Variants in CACNG2 observed in about 807,000 individuals in gnomAD.
The protein encoded by CACNG2 is voltage-dependent calcium channel gamma-2 subunit.
Under a neutral mutation model 25.9 loss-of-function variants are expected in CACNG2, and 3 were observed. The ratio of observed to expected loss-of-function variants is 0.12; its 90% CI spans 0.05 to 0.30. CACNG2 has a LOEUF of 0.30. Among genes scored for constraint, CACNG2 ranks in the 10% least tolerant of loss-of-function variants. CACNG2 has a pLI of 1.00. For missense variants in CACNG2, 341 were observed against 432.5 expected (o/e 0.79, Z 1.88); for synonymous variants, 167 against 173.3 (o/e 0.96, Z 0.29).
intron 1 of CACNG2, among the ~76,000 whole-genome samples, chr22:36,666,953 C>T (rs866837093): frequency 6.6e-5 from 10 of 151,960 alleles, no homozygotes; most frequent in African/African-American, 2.2e-4. Flanking sequence ...ACTGCTTCCC[C>T]GCCACCCCAC....
Position 36,606,780 on chromosome 22 carries a change from A to G in CACNG2, c.212-19232T>C, listed in dbSNP as rs112146768. 1.4e-4 allele frequency among the ~76,000 whole-genome samples: 19 copies of G among 131,094 alleles called. No homozygotes were observed. Among genetic ancestry groups the G allele is most frequent in the Non-Finnish European group, 1.9e-4 (11 of 58,758 alleles). The allele number at this position is 131,094 out of a possible 152,430, so 86.0% of individuals were successfully genotyped here. ...TGCGTGTGTGTGTGTGTGTGTGTGT[A>G]TGTGTTTGTATGTATGTGTGTGTGT... On this transcript the variant is annotated intron_variant, in intron 1 of 3. Coordinates refer to ENST00000300105, the MANE Select transcript of CACNG2 (RefSeq NM_006078.5). This position sits in a 1 kb window ranked among gnomAD's most constrained non-coding sequence, Gnocchi z 5.7.
intron 1 of CACNG2, among the ~76,000 whole-genome samples, chr22:36,666,058 C>T (rs1171633926): frequency 1.3e-5 from 2 of 152,158 alleles, no homozygotes; most frequent in East Asian, 1.9e-4. Flanking sequence ...CTGTTACGTG[C>T]TACACCATGG....
chr22:36,571,918 C>A (rs1935236449), intron 2 of CACNG2, among the ~76,000 whole-genome samples: 1 of 151,794 alleles, frequency 6.6e-6, no homozygotes, highest in Non-Finnish European at 1.5e-5. Flanking sequence ...TTGGGTCCTA[C>A]CTTTTACTGT....
At chr22:36,665,665 C>T (rs1178619501) in intron 1 of CACNG2, among the ~76,000 whole-genome samples, 2 of 152,146 alleles carry the variant, frequency 1.3e-5, no homozygotes, top group Non-Finnish European at 2.9e-5. Context: ...AAAACCACAG[C>T]GAGATACCAC....
rs142970034 is a variant in CACNG2 at position 36,687,621 on chromosome 22, G to A, written c.211+14745C>T. On this transcript the variant is annotated intron_variant, in intron 1 of 3. Coordinates refer to ENST00000300105, the MANE Select transcript of CACNG2 (RefSeq NM_006078.5). ...GTCCACATCCCAATTCCTGTAACCC[G>A]TGAGTGCGCCACATTGCATGGGAAA... Among the ~76,000 whole-genome samples the A allele has an allele frequency of 1.1e-4, 16 of 152,338 alleles. No individual in the cohort carries two copies. In the East Asian group the frequency reaches 1.5e-3, roughly 15 times the overall value.
intron 1 of CACNG2, among the ~76,000 whole-genome samples, chr22:36,653,594 T>C (rs752079355): frequency 7.4e-6 from 1 of 134,516 alleles, no homozygotes; most frequent in Non-Finnish European, 1.5e-5. Flanking sequence ...CCTCGGCTTA[T>C]AGAAACAACA....
chr22:36,594,028 C>A (rs1219417746), intron 1 of CACNG2, among the ~76,000 whole-genome samples: 1 of 152,122 alleles, frequency 6.6e-6, no homozygotes, highest in Non-Finnish European at 1.5e-5. Context: ...CTAAGGCCAG[C>A]CTAGGGTTCC....
intron 2 of CACNG2, among the ~76,000 whole-genome samples, chr22:36,586,331 T>C (rs41307219): frequency 0.026 from 3,894 of 152,336 alleles, 64 homozygotes; most frequent in Middle Eastern, 0.071. Context: ...AAATGGCCTT[T>C]TAGGAATTCC....
chr22:36,630,947 C>T (rs769939947), intron 1 of CACNG2, among the ~76,000 whole-genome samples: 1 of 152,154 alleles, frequency 6.6e-6, no homozygotes, highest in South Asian at 2.1e-4. Context: ...TCTTCTGCCT[C>T]GGCCTCCCAA....
intron 1 of CACNG2, 102 bp from the exon 2 acceptor site, chr22:36,587,650 C>CG: frequency 1.2e-6 from 1 of 826,594 alleles, no homozygotes; most frequent in South Asian, 1.3e-5. Context: ...GAAACTCACT[C>CG]AGCCCTCTCC....
chr22:36,621,741 C>A (rs554684574), intron 1 of CACNG2, among the ~76,000 whole-genome samples: 1 of 152,240 alleles, frequency 6.6e-6, no homozygotes, highest in Admixed American at 6.5e-5. Flanking sequence ...TCCTCCCCTG[C>A]CAGTGCAGGC....
Position 36,688,588 on chromosome 22 carries a change from G to A in CACNG2, c.211+13778C>T, listed in dbSNP as rs75197967. Among the ~76,000 whole-genome samples the A allele has an allele frequency of 3.2e-3, 485 of 151,372 alleles. 2 individuals carry two copies. The highest frequency in any genetic ancestry group is 0.011 in the African/African-American group (459 of 41,154). On this transcript the variant is annotated intron_variant, in intron 1 of 3. Transcript: ENST00000300105. ...AGCTGAAATGAAATGGACTGATAGA[G>A]GTGCTGGGACTGAACTAGTGGCTTT...
chr22:36,570,406 C>T (rs554497041), intron 2 of CACNG2, among the ~76,000 whole-genome samples: 14 of 152,278 alleles, frequency 9.2e-5, no homozygotes, highest in South Asian at 6.2e-4. Context: ...GAAGCCTCTT[C>T]GGCACAGAAG....
intron 1 of CACNG2, among the ~76,000 whole-genome samples, chr22:36,655,751 TTTC>T (rs1936694385): frequency 6.7e-6 from 1 of 148,220 alleles, no homozygotes; most frequent in East Asian, 1.9e-4. Context: ...CCTTTCTTCC[TTTC>T]TTTCTTTCTT....
chr22:36,638,868 G>A (rs1276357408), intron 1 of CACNG2, among the ~76,000 whole-genome samples: 1 of 152,154 alleles, frequency 6.6e-6, no homozygotes, highest in African/African-American at 2.4e-5. Context: ...CATTGTCTCT[G>A]CAAATGTAAG....
At chr22:36,641,068 G>A (rs776063345) in intron 1 of CACNG2, among the ~76,000 whole-genome samples, 1 of 152,030 alleles carries the variant, frequency 6.6e-6, no homozygotes, top group Non-Finnish European at 1.5e-5. Flanking sequence ...TTTTCTTCAG[G>A]GCTCTGTTCA....
At chr22:36,608,212 G>A (rs1935873438) in intron 1 of CACNG2, among the ~76,000 whole-genome samples, 1 of 152,112 alleles carries the variant, frequency 6.6e-6, no homozygotes, top group African/African-American at 2.4e-5. Flanking sequence ...GGGATTCTGA[G>A]GTTCCTTCTA....
chr22:36,574,546 T>C (rs1935283134), intron 2 of CACNG2, among the ~76,000 whole-genome samples: 1 of 152,118 alleles, frequency 6.6e-6, no homozygotes, highest in African/African-American at 2.4e-5. Context: ...TTTGGAAGGC[T>C]GAGGCCGGTG....
chr22:36,622,767 T>G (rs906055320), intron 1 of CACNG2, among the ~76,000 whole-genome samples: 5 of 152,070 alleles, frequency 3.3e-5, no homozygotes, highest in Non-Finnish European at 5.9e-5. Flanking sequence ...GAGACCAGCC[T>G]GGCCAACATG....
Sources: gnomAD v4.1 joint callset for allele counts (sites outside exome capture counted in the v4.1 genomes callset) on GRCh38, gnomAD v4.1.1 for gene constraint, Gnocchi (gnomAD v3.1) non-coding constraint, MANE v1.5 for transcripts, NCBI Gene and HGNC (gene_info 2026-07-23, HGNC 2026-07-21) for gene names.